Variants in MBD5 observed in about 807,000 individuals in gnomAD.
MBD5 encodes the protein methyl-CpG binding domain protein 5.
Under a neutral mutation model 117.3 loss-of-function variants are expected in MBD5, and 13 were observed. That is an observed-to-expected ratio of 0.11 (90% confidence interval 0.07 to 0.18). MBD5 has a LOEUF of 0.18. MBD5 is among the 10% of genes least tolerant of loss of function. The probability of loss-of-function intolerance (pLI) is 1.00; values close to 1 mark genes in which losing one functional copy is unlikely to be tolerated. For synonymous variants in MBD5, 727 were observed against 766.4 expected (o/e 0.95, Z 0.85); for missense variants, 1,879 against 2,093.8 (o/e 0.90, Z 2.00).
intron 2 of MBD5, among the ~76,000 whole-genome samples, chr2:148,201,535 C>T (rs1289780343): frequency 1.3e-5 from 2 of 152,194 alleles, no homozygotes; most frequent in Non-Finnish European, 2.9e-5. Context: ...GGCCTTGCTG[C>T]TGCTTCTTGT....
chr2:148,211,528 T>A (rs968877), intron 2 of MBD5, among the ~76,000 whole-genome samples: 90,547 of 151,488 alleles, frequency 0.6, 29,608 homozygotes, highest in East Asian at 0.79. Context: ...TTGATTATTT[T>A]CCTGTGTTTA....
chr2:148,481,038 A>G (rs1421470650), intron 8 of MBD5, among the ~76,000 whole-genome samples: 1 of 151,834 alleles, frequency 6.6e-6, no homozygotes, highest in Non-Finnish European at 1.5e-5. Context: ...TTTTATTTTT[A>G]TAGACTTTTC....
intron 3 of MBD5, among the ~76,000 whole-genome samples, chr2:148,322,318 A>C (rs753661070): frequency 6.6e-6 from 1 of 152,258 alleles, no homozygotes; most frequent in African/African-American, 2.4e-5. Context: ...CTTGTTGTAC[A>C]TAACTTACTA....
At chr2:148,145,934 G>A (rs1199278394) in intron 1 of MBD5, among the ~76,000 whole-genome samples, 1 of 152,188 alleles carries the variant, frequency 6.6e-6, no homozygotes, top group Non-Finnish European at 1.5e-5. Flanking sequence ...TCTCTGCCAG[G>A]CTTTGGTATC....
At chr2:148,207,278 T>C (rs1574137202) in intron 2 of MBD5, among the ~76,000 whole-genome samples, 1 of 152,088 alleles carries the variant, frequency 6.6e-6, no homozygotes, top group East Asian at 1.9e-4. Context: ...GAAAATTGCA[T>C]AGGTACCTGG....
chr2:148,340,129 A>C (rs1275118410), intron 3 of MBD5, among the ~76,000 whole-genome samples: 1 of 152,112 alleles, frequency 6.6e-6, no homozygotes, highest in Non-Finnish European at 1.5e-5. Flanking sequence ...ACAAACTAAC[A>C]AACTTTAGTC....
At chr2:148,200,643 A>G (rs1699112083) in intron 2 of MBD5, among the ~76,000 whole-genome samples, 1 of 151,230 alleles carries the variant, frequency 6.6e-6, no homozygotes, top group Non-Finnish European at 1.5e-5. Flanking sequence ...CAGTGAGCCG[A>G]TATCACGCCA....
intron 4 of MBD5, among the ~76,000 whole-genome samples, chr2:148,457,315 T>C (rs1706915573): frequency 1.3e-5 from 2 of 152,142 alleles, no homozygotes; most frequent in Non-Finnish European, 1.5e-5. Context: ...CATTCTTTAG[T>C]GTAGTTTCAT....
At chr2:148,435,025 C>A (rs1291262665) in intron 4 of MBD5, among the ~76,000 whole-genome samples, 3 of 152,072 alleles carry the variant, frequency 2.0e-5, no homozygotes, top group Non-Finnish European at 2.9e-5. Context: ...TCTTCATTGT[C>A]TTTCTTGATC....
intron 4 of MBD5, among the ~76,000 whole-genome samples, chr2:148,398,116 G>A (rs1455464163): frequency 5.9e-5 from 9 of 152,156 alleles, no homozygotes; most frequent in Non-Finnish European, 7.4e-5. Context: ...ATAAACATAC[G>A]TGTGCATGTG....
Position 148,446,602 on chromosome 2 carries a change from C to CTATG in MBD5, c.-556-11600_-556-11599insATGT, listed in dbSNP as rs1553516216. On this transcript the variant is annotated intron_variant, in intron 4 of 13. Transcript: ENST00000642680. Reference sequence around the variant, plus strand: ...TTAATTTACATACCAGATTATTTATCTGTGTGTGTGTGTGTGTGTGTGTGT... The same window carrying CTATG: ...TTAATTTACATACCAGATTATTTATCTATGTGTGTGTGTGTGTGTGTGTGTGTGT... 1.1e-3 allele frequency among the ~76,000 whole-genome samples: 167 copies of CTATG among 148,894 alleles called. No homozygotes were observed. In the East Asian group the frequency reaches 0.019, roughly 17 times the overall value.
At chr2:148,227,540 G>A (rs940702264) in intron 2 of MBD5, among the ~76,000 whole-genome samples, 1 of 152,162 alleles carries the variant, frequency 6.6e-6, no homozygotes, top group Non-Finnish European at 1.5e-5. Flanking sequence ...TTTGAAGTCA[G>A]GTAGCATGAT....
chr2:148,475,226 T>G (rs1680919437), intron 8 of MBD5, among the ~76,000 whole-genome samples: 1 of 152,168 alleles, frequency 6.6e-6, no homozygotes, highest in African/African-American at 2.4e-5. Context: ...GTTTAAAAAT[T>G]GTCCTCTGCA....
chr2:148,245,760 A>G (rs1323204243), intron 3 of MBD5, among the ~76,000 whole-genome samples: 2 of 152,168 alleles, frequency 1.3e-5, no homozygotes, highest in Non-Finnish European at 2.9e-5. Flanking sequence ...CCTTATAGCT[A>G]AGTTTATGGT....
At chr2:148,125,635 T>A (rs1033843382) in intron 1 of MBD5, among the ~76,000 whole-genome samples, 1 of 152,200 alleles carries the variant, frequency 6.6e-6, no homozygotes, top group South Asian at 2.1e-4. Context: ...CTTGGAAGTC[T>A]ATCTACAACC....
chr2:148,305,043 C>T (rs560060740), intron 3 of MBD5, among the ~76,000 whole-genome samples: 2 of 148,876 alleles, frequency 1.3e-5, no homozygotes, highest in South Asian at 2.1e-4. Flanking sequence ...CCAGCCTGGG[C>T]GACAGAGCGA....
At chr2:148,457,966 C>T (rs1040437041) in intron 4 of MBD5, among the ~76,000 whole-genome samples, 4 of 151,978 alleles carry the variant, frequency 2.6e-5, no homozygotes, top group African/African-American at 4.8e-5. Context: ...GCCATAATTA[C>T]GGGTCTGTCT....
chr2:148,028,808 G>A (rs909062972), intron 1 of MBD5, among the ~76,000 whole-genome samples: 5 of 151,976 alleles, frequency 3.3e-5, no homozygotes, highest in African/African-American at 9.7e-5. Context: ...AAAATATTTA[G>A]GAAATCAAAT....
At chr2:148,413,639 C>T (rs550149721) in intron 4 of MBD5, among the ~76,000 whole-genome samples, 28 of 150,806 alleles carry the variant, frequency 1.9e-4, no homozygotes, top group African/African-American at 6.3e-4. Flanking sequence ...ATTAATGATT[C>T]AATTTCAGAA....
Sources: allele counts gnomAD v4.1 joint callset (sites outside exome capture counted in the v4.1 genomes callset), GRCh38; gene constraint gnomAD v4.1.1; transcripts MANE v1.5; gene names NCBI Gene and HGNC (gene_info 2026-07-23, HGNC 2026-07-21).